QKI: variants seen among roughly 807,000 people sequenced by gnomAD.
QKI encodes the protein KH domain-containing RNA-binding protein QKI.
Under a neutral mutation model 39.0 loss-of-function variants are expected in QKI, and 10 were observed. That is an observed-to-expected ratio of 0.26 (90% CI 0.16 to 0.43). The LOEUF is 0.43. Ranked by LOEUF, QKI falls within the 20% of genes least tolerant of loss-of-function variation. The probability of loss-of-function intolerance (pLI) is 1.00; values close to 1 mark genes in which losing one functional copy is unlikely to be tolerated. For synonymous variants in QKI, 204 were observed against 155.4 expected, an observed-to-expected ratio of 1.31 and a Z score of -2.33; for missense variants, 218 against 428.0, an observed-to-expected ratio of 0.51 and a Z score of 4.33.
intron 3 of QKI, among the ~76,000 whole-genome samples, chr6:163,491,053 G>A (rs1365033801): frequency 6.6e-6 from 1 of 152,122 alleles, no homozygotes; most frequent in African/African-American, 2.4e-5. Flanking sequence ...AAGATGTCAT[G>A]TGATATGGTG....
Position 163,578,114 on chromosome 6 carries a change from A to G in QKI, c.*7404A>G, listed in dbSNP as rs951266321. 8 of 152,204 alleles carry G rather than the reference A, an allele frequency of 5.3e-5. No homozygotes were observed. Among genetic ancestry groups the G allele is most frequent in the Non-Finnish European group, 8.8e-5 (6 of 68,038 alleles). 9.4% of individuals were successfully genotyped at this position (152,204 alleles called of 1,614,324 possible). On this transcript the variant is annotated 3_prime_UTR_variant, in exon 8 of 8. Transcript: ENST00000361752. ...CTGAAAGCGCTTATTTTTACATGCTACACAACAGTTCCAATTTTAAGGAGT... is the reference window on the plus strand; with the variant it reads ...CTGAAAGCGCTTATTTTTACATGCTGCACAACAGTTCCAATTTTAAGGAGT...
At chr6:163,558,158 G>A (rs1477730553) in intron 4 of QKI, among the ~76,000 whole-genome samples, 1 of 152,138 alleles carries the variant, frequency 6.6e-6, no homozygotes, top group Admixed American at 6.5e-5. Context: ...AAAAAAAGAG[G>A]TCAGAAAAAC....
At chr6:163,431,844 A>C (rs562532161) in intron 1 of QKI, among the ~76,000 whole-genome samples, 50 of 151,638 alleles carry the variant, frequency 3.3e-4, no homozygotes, top group Middle Eastern at 6.8e-3. Context: ...AAAAAAAAAA[A>C]AACCCTGTAA....
chr6:163,556,425 TC>T (rs1440547585), intron 4 of QKI, among the ~76,000 whole-genome samples: 4 of 136,016 alleles, frequency 2.9e-5, no homozygotes, highest in Non-Finnish European at 6.0e-5. Context: ...GGCAGGAGAA[TC>T]CCAGGAGGCG....
intron 3 of QKI, among the ~76,000 whole-genome samples, chr6:163,526,121 T>G (rs1054801743): frequency 1.3e-5 from 2 of 152,296 alleles, no homozygotes; most frequent in Middle Eastern, 3.4e-3. Context: ...CCAGACTGAT[T>G]ATGTCAAAAG....
At chr6:163,505,765 T>C (rs1293263206) in intron 3 of QKI, among the ~76,000 whole-genome samples, 2 of 152,266 alleles carry the variant, frequency 1.3e-5, no homozygotes, top group Middle Eastern at 3.4e-3. Context: ...ACTTTGACTT[T>C]TGGGTTAATG....
At chr6:163,441,822 G>T (rs1379555829) in intron 1 of QKI, among the ~76,000 whole-genome samples, 1 of 152,190 alleles carries the variant, frequency 6.6e-6, no homozygotes, top group African/African-American at 2.4e-5. Flanking sequence ...GTGTGGACTT[G>T]TAGCCAGGGA....
At chr6:163,530,699 G>C (rs1177619158) in intron 3 of QKI, among the ~76,000 whole-genome samples, 1 of 152,068 alleles carries the variant, frequency 6.6e-6, no homozygotes, top group African/African-American at 2.4e-5. Context: ...AAGATTTTCT[G>C]AGGCCTGATG....
intron 1 of QKI, among the ~76,000 whole-genome samples, chr6:163,434,256 A>G (rs963174159): frequency 2.0e-5 from 3 of 152,158 alleles, no homozygotes; most frequent in Admixed American, 6.5e-5. Flanking sequence ...ATCATTTCCT[A>G]GCAGGAAGAT....
chr6:163,464,451 C>G (rs569974434), intron 2 of QKI, among the ~76,000 whole-genome samples: 1 of 151,928 alleles, frequency 6.6e-6, no homozygotes, highest in African/African-American at 2.4e-5. Flanking sequence ...ACAAAATTGA[C>G]AGACCTTTAG....
intron 3 of QKI, among the ~76,000 whole-genome samples, chr6:163,520,691 C>T (rs906461130): frequency 4.6e-5 from 7 of 152,086 alleles, no homozygotes; most frequent in African/African-American, 7.2e-5. Context: ...TCAATGCTTT[C>T]AAGTTATTAA....
chr6:163,483,567 C>G (rs972655964), intron 3 of QKI, among the ~76,000 whole-genome samples: 3 of 152,170 alleles, frequency 2.0e-5, no homozygotes, highest in Admixed American at 2.0e-4. Flanking sequence ...ATCACTTTCT[C>G]TGCTCATCCA....
At chr6:163,499,778 A>G (rs550944792) in intron 3 of QKI, among the ~76,000 whole-genome samples, 12 of 152,118 alleles carry the variant, frequency 7.9e-5, no homozygotes, top group Middle Eastern at 3.4e-3. Context: ...AGTATTTTTT[A>G]TTTCCTACTC....
At chr6:163,521,727 G>A (rs1400676424) in intron 3 of QKI, among the ~76,000 whole-genome samples, 1 of 152,078 alleles carries the variant, frequency 6.6e-6, no homozygotes, top group Non-Finnish European at 1.5e-5. Context: ...CACCATGTTG[G>A]CCAGGCTGGT....
chr6:163,550,145 T>TG (rs1438957934), intron 4 of QKI, among the ~76,000 whole-genome samples: 1 of 152,164 alleles, frequency 6.6e-6, no homozygotes, highest in Non-Finnish European at 1.5e-5. Flanking sequence ...TTTATTTCTT[T>TG]GTTATGGAGG....
rs560313395 is a variant in QKI at position 163,506,751 on chromosome 6, C to T, written c.402+27855C>T. ...ATTGTAGACACTTAGGAATGCTTAC[C>T]ATGACCCTTAGTATTGTATATTTGA... On this transcript the variant is annotated intron_variant, in intron 3 of 7. Transcript: ENST00000361752. 2.4e-4 allele frequency among the ~76,000 whole-genome samples: 36 copies of T among 152,182 alleles called. No individual in the cohort carries two copies. In the South Asian group the frequency reaches 2.7e-3, roughly 11 times the overall value.
rs1783889919 is a variant in QKI, at chr6:163,574,765, C to A, written c.*4055C>A. On this transcript the variant is annotated 3_prime_UTR_variant, in exon 8 of 8. Transcript: ENST00000361752. ...ACTTGCTTTTTTCTGTGAAACAGTTCTCCTAGATACCAAAATCCTCAGGAT... is the reference window on the plus strand; with the variant it reads ...ACTTGCTTTTTTCTGTGAAACAGTTATCCTAGATACCAAAATCCTCAGGAT... 7.0e-6 allele frequency: 1 copy of A among 142,954 alleles called. No individual in the cohort carries two copies. Among genetic ancestry groups the A allele is most frequent in the East Asian group, 1.9e-4 (1 of 5,186 alleles). The allele number at this position is 142,954 out of a possible 1,614,324, so 8.9% of individuals were successfully genotyped here.
chr6:163,522,188 C>T (rs1476881051), intron 3 of QKI, among the ~76,000 whole-genome samples: 1 of 152,044 alleles, frequency 6.6e-6, no homozygotes, highest in Non-Finnish European at 1.5e-5. Flanking sequence ...TCAGTCAACC[C>T]TCATATGTGC....
chr6:163,416,460 C>G (rs748534521), intron 1 of QKI: 1 of 156,382 alleles, frequency 6.4e-6, no homozygotes, highest in Non-Finnish European at 1.4e-5. Context: ...CACCGGAGGA[C>G]TGTGTAAAGG....
Sources: gnomAD v4.1 joint callset for allele counts (sites outside exome capture counted in the v4.1 genomes callset) on GRCh38, gnomAD v4.1.1 for gene constraint, MANE v1.5 for transcripts, NCBI Gene and HGNC (gene_info 2026-07-23, HGNC 2026-07-21) for gene names.